LINGO1: variants seen among roughly 807,000 people sequenced by gnomAD.
LINGO1 encodes the protein leucine-rich repeat and immunoglobulin-like domain-containing nogo receptor-interacting protein 1.
In LINGO1, 11 loss-of-function variants were observed where a neutral mutation model predicts 37.3. The observed-to-expected ratio is 0.29, with a 90% CI of 0.19 to 0.49. The LOEUF is 0.49. Among genes scored for constraint, LINGO1 ranks in the 20% least tolerant of loss-of-function variants. The pLI is 0.99. For missense variants in LINGO1, 585 were observed against 878.2 expected (o/e 0.67, Z 4.22); for synonymous variants, 387 against 403.0 (o/e 0.96, Z 0.48).
At chr15:77,684,348 G>T (rs1053563795) in intron 2 of LINGO1, among the ~76,000 whole-genome samples, 2 of 152,190 alleles carry the variant, frequency 1.3e-5, no homozygotes, top group Non-Finnish European at 2.9e-5. Context: ...GTACAGAGAG[G>T]TTACATGACT....
At position 77,640,170 on chromosome 15, in the gene LINGO1, T is replaced by C. The variant is rs187373592; in HGVS notation, c.-12-24270A>G. On this transcript the variant is annotated intron_variant, in intron 3 of 3. Coordinates refer to the LINGO1 transcript ENST00000559893. ...GGCCTCAGTTTATTTTTCTGTGACT[T>C]GGGAGACACTCACTCCTTTCCCTAG... Among the ~76,000 whole-genome samples the C allele has an allele frequency of 3.9e-5, 6 of 152,286 alleles. No individual in the cohort carries two copies. The East Asian group carries it at 7.7e-4, about 20-fold the overall frequency.
At chr15:77,647,153 C>G (rs1026740354) in intron 3 of LINGO1, among the ~76,000 whole-genome samples, 2 of 152,062 alleles carry the variant, frequency 1.3e-5, no homozygotes, top group African/African-American at 4.8e-5. Context: ...CACGCACTCC[C>G]ACTGAGGCTG....
intron 1 of LINGO1, among the ~76,000 whole-genome samples, chr15:77,796,419 C>T (rs996076895): frequency 2.0e-5 from 3 of 152,222 alleles, no homozygotes; most frequent in Non-Finnish European, 2.9e-5. Flanking sequence ...TCCCACCATC[C>T]GGCTCTGTGG....
In LINGO1 at chr15:77,735,788, T is replaced by G. The variant is rs541945188; in HGVS notation, c.-256-735A>C. ...TTGAGAACTGCTGGCCTTGAAGATG[T>G]GTCCAGCCTGGAAAGTACAAAGCCC... On this transcript the variant is annotated intron_variant, in intron 1 of 3. Coordinates refer to the LINGO1 transcript ENST00000561686. Among the ~76,000 whole-genome samples, 3 of 152,332 alleles carry G rather than the reference T, an allele frequency of 2.0e-5. No homozygotes were observed. In the South Asian group the frequency reaches 6.2e-4, roughly 32 times the overall value.
At chr15:77,640,508 G>A (rs1327478902) in intron 3 of LINGO1, among the ~76,000 whole-genome samples, 1 of 152,174 alleles carries the variant, frequency 6.6e-6, no homozygotes, top group African/African-American at 2.4e-5. Context: ...GTAAAGTAGG[G>A]ACTGTTATTA....
At chr15:77,803,902 A>G (rs1204620091) in intron 1 of LINGO1, among the ~76,000 whole-genome samples, 3 of 152,164 alleles carry the variant, frequency 2.0e-5, no homozygotes, top group African/African-American at 7.2e-5. Context: ...TCTTTATAGC[A>G]ACACAAGAAC....
rs548981470 is a variant in LINGO1, at chr15:77,778,355, A to G, written c.-257+8514T>C. ...CCACCACTCTGCAAAGACATTTTCCACGTAAGGTAGATTTCACAGGTTCCA... is the reference window on the plus strand; with the variant it reads ...CCACCACTCTGCAAAGACATTTTCCGCGTAAGGTAGATTTCACAGGTTCCA... On this transcript the variant is annotated intron_variant, in intron 1 of 3. Coordinates refer to the LINGO1 transcript ENST00000561686. Among the ~76,000 whole-genome samples the G allele has an allele frequency of 2.2e-4, 34 of 152,240 alleles. 2 individuals are homozygous for G. In the South Asian group the frequency reaches 7.0e-3, roughly 32 times the overall value.
At chr15:77,812,915 T>G (rs1433559732) in intron 1 of LINGO1, among the ~76,000 whole-genome samples, 1 of 152,182 alleles carries the variant, frequency 6.6e-6, no homozygotes, top group African/African-American at 2.4e-5. Flanking sequence ...ACAGATGTTT[T>G]GGGCCTAGCC....
chr15:77,615,528 G>C lies in LINGO1; in HGVS notation c.379C>G (p.Arg127Gly). The C allele has an allele frequency of 6.2e-7, 1 of 1,613,726 alleles. No individual in the cohort carries two copies. Among genetic ancestry groups the C allele is most frequent in the Non-Finnish European group, 8.5e-7 (1 of 1,179,750 alleles). Residue 127 changes from arginine to glycine, a missense_variant, in exon 2 of 2, where the codon CGC (arginine) becomes GGC (glycine). Arg to Gly is a moderately radical substitution (Grantham distance 125, BLOSUM62 -2). Around this residue, in one of 4 missense-constraint regions of LINGO1, gnomAD observed 484 missense variants for 735.0 expected, o/e 0.66. Transcript: ENST00000355300. ...NLFNLRTLGL[R>G]SNRLKLIPLG... ...GGGATGAGCTTCAGGCGGTTGCTGC[G>C]GAGACCCAGCGTCCGGAGGTTGAAG...
intron 1 of LINGO1, among the ~76,000 whole-genome samples, chr15:77,622,838 G>C (rs943908522): frequency 6.6e-6 from 1 of 152,234 alleles, no homozygotes; most frequent in Non-Finnish European, 1.5e-5. Context: ...TTCAGAAGCA[G>C]CTCAGGGTTT....
At position 77,681,658 on chromosome 15, in the gene LINGO1, G is replaced by C. The variant is rs11857909; in HGVS notation, c.-98-4484C>G. Among the ~76,000 whole-genome samples the C allele has an allele frequency of 3.3e-5, 5 of 152,014 alleles. No homozygotes were observed. The East Asian group carries it at 7.7e-4, about 24-fold the overall frequency. On this transcript the variant is annotated intron_variant, in intron 2 of 3. Transcript: ENST00000559893. ...TTAGTTCACTGTCTGCCAAGGGTGTGGGGGGGCTGAAAACAGAGGACAAAG... is the reference window on the plus strand; with the variant it reads ...TTAGTTCACTGTCTGCCAAGGGTGTCGGGGGGCTGAAAACAGAGGACAAAG...
chr15:77,637,089 G>C (rs1210850191), upstream of LINGO1, among the ~76,000 whole-genome samples: 1 of 152,168 alleles, frequency 6.6e-6, no homozygotes, highest in Admixed American at 6.5e-5. The surrounding 1 kb of genome is among the most constrained non-coding windows in gnomAD (Gnocchi z 4.6). Flanking sequence ...CAAAGGGTCA[G>C]GCCTGAGTAT....
intron 2 of LINGO1, among the ~76,000 whole-genome samples, chr15:77,795,305 G>T (rs576286447): frequency 1.3e-5 from 2 of 152,080 alleles, no homozygotes; most frequent in African/African-American, 4.8e-5. Context: ...CCCCTCACAC[G>T]GACCATGAAG....
In LINGO1 at chr15:77,615,613, C is replaced by T. The variant is rs774339041; in HGVS notation, c.294G>A (p.Glu98=). ...CGATGTTCTCGTTGAGCTCCAGCTCCTCCAGGTGCGGGAAGCTGGCGAACT... is the reference window on the plus strand; with the variant it reads ...CGATGTTCTCGTTGAGCTCCAGCTCTTCCAGGTGCGGGAAGCTGGCGAACT... The part of the protein sequence containing the change: ...QDEFASFPHL[E]ELELNENIVS... Residue 98 remains glutamate, a synonymous_variant, in exon 2 of 2, where the codon GAG becomes GAA. Coordinates refer to ENST00000355300, the MANE Select transcript of LINGO1 (RefSeq NM_032808.7). 1.2e-6 allele frequency: 2 copies of T among 1,611,830 alleles called. No homozygotes were observed. Among genetic ancestry groups the T allele is most frequent in the African/African-American group, 2.7e-5 (2 of 74,822 alleles).
intron 1 of LINGO1, among the ~76,000 whole-genome samples, chr15:77,692,412 C>A (rs573793756): frequency 6.6e-6 from 1 of 152,090 alleles, no homozygotes; most frequent in African/African-American, 2.4e-5. Context: ...AGTGGAAACA[C>A]GGACGGAGAG....
intron 1 of LINGO1, among the ~76,000 whole-genome samples, chr15:77,782,567 C>T (rs1239883815): frequency 1.3e-5 from 2 of 152,140 alleles, no homozygotes; most frequent in Non-Finnish European, 2.9e-5. Flanking sequence ...CCCGGCAAGT[C>T]CAAACCAGGA....
intron 2 of LINGO1, among the ~76,000 whole-genome samples, chr15:77,734,403 C>T (rs908004573): frequency 3.3e-5 from 5 of 151,996 alleles, no homozygotes; most frequent in African/African-American, 1.2e-4. Context: ...ACAGAGTGTC[C>T]TTGGAACTGA....
At chr15:77,779,596 T>C (rs1462714934) in intron 1 of LINGO1, among the ~76,000 whole-genome samples, 3 of 151,944 alleles carry the variant, frequency 2.0e-5, no homozygotes, top group Non-Finnish European at 2.9e-5. Flanking sequence ...CAGTTCACAA[T>C]AGGGTTCTCG....
At chr15:77,776,522 G>GAGTAAGGC (rs1338089840) in intron 1 of LINGO1, among the ~76,000 whole-genome samples, 2 of 52,470 alleles carry the variant, frequency 3.8e-5, no homozygotes, top group African/African-American at 1.4e-4. Context: ...GGCAGGAAGG[G>GAGTAAGGC]AGGAAGGGAG....
Sources: allele counts gnomAD v4.1 joint callset (sites outside exome capture counted in the v4.1 genomes callset), GRCh38; gene constraint gnomAD v4.1.1; regional missense constraint gnomAD v4.1.1; non-coding constraint Gnocchi (gnomAD v3.1); transcripts MANE v1.5; gene names NCBI Gene and HGNC (gene_info 2026-07-23, HGNC 2026-07-21).